The following CACNA1C variants were observed in gnomAD, a reference collection of about 807,000 sequenced individuals.
CACNA1C encodes the protein calcium voltage-gated channel subunit alpha1 C.
CACNA1C carries 30 observed loss-of-function variants against 229.0 expected under a neutral mutation model. The observed-to-expected ratio is 0.13, with a 90% CI of 0.10 to 0.18. The LOEUF (loss-of-function observed/expected upper bound fraction) is 0.18, where lower values mean the gene tolerates loss of function less well. CACNA1C is among the 10% of genes least tolerant of loss of function. The probability of loss-of-function intolerance (pLI) is 1.00; values close to 1 mark genes in which losing one functional copy is unlikely to be tolerated. For missense variants in CACNA1C, 1,658 were observed against 2,845.0 expected, an observed-to-expected ratio of 0.58 and a Z score of 9.49; for synonymous variants, 1,114 against 1,132.5, an observed-to-expected ratio of 0.98 and a Z score of 0.33.
rs902877485 is a variant in CACNA1C at position 2,595,316 on chromosome 12, G to A, written c.2664-558G>A. ...CCTTCCTACATTGCTGTCAAGATGA[G>A]ATGGTGTACAAGACACTTTGGCATT... On this transcript the variant is annotated intron_variant, in intron 19 of 46. Transcript: ENST00000399655. This position sits in a 1 kb window ranked among gnomAD's most constrained non-coding sequence, Gnocchi z 4.1. Among the ~76,000 whole-genome samples the A allele has an allele frequency of 6.6e-6, 1 of 152,184 alleles. No homozygotes were observed. Among genetic ancestry groups the A allele is most frequent in the East Asian group, 1.9e-4 (1 of 5,196 alleles).
intron 3 of CACNA1C, among the ~76,000 whole-genome samples, chr12:2,169,239 C>T (rs2096375181): frequency 6.6e-6 from 1 of 152,158 alleles, no homozygotes; most frequent in Non-Finnish European, 1.5e-5. Context: ...GAACTGTAAA[C>T]CAAGGCTTTC....
At chr12:2,524,357 A>T (rs924535037) in intron 9 of CACNA1C, among the ~76,000 whole-genome samples, 1 of 152,224 alleles carries the variant, frequency 6.6e-6, no homozygotes, top group African/African-American at 2.4e-5. Flanking sequence ...CAGATGCACC[A>T]ACAGACAGGT....
intron 3 of CACNA1C, among the ~76,000 whole-genome samples, chr12:2,344,905 A>T (rs901301735): frequency 2.0e-5 from 3 of 151,862 alleles, no homozygotes; most frequent in African/African-American, 7.3e-5. Flanking sequence ...TCTTTAAGAA[A>T]TATTTACTTT....
At chr12:2,474,072 G>A (rs1444539327) in intron 5 of CACNA1C, among the ~76,000 whole-genome samples, 1 of 152,010 alleles carries the variant, frequency 6.6e-6, no homozygotes, top group Non-Finnish European at 1.5e-5. Context: ...GTATAATTAA[G>A]ACTAGTTTAG....
intron 19 of CACNA1C, among the ~76,000 whole-genome samples, chr12:2,594,417 C>T (rs2067051527): frequency 6.6e-6 from 1 of 152,178 alleles, no homozygotes; most frequent in African/African-American, 2.4e-5. Flanking sequence ...TGGGAAATTT[C>T]TTCAACTGTA....
intron 1 of CACNA1C, among the ~76,000 whole-genome samples, chr12:1,984,898 C>T (rs531840662): frequency 6.6e-6 from 1 of 150,634 alleles, no homozygotes; most frequent in African/African-American, 2.4e-5. Context: ...AGGTTAATAG[C>T]TCTTTTATTT....
chr12:2,319,941 A>G lies in CACNA1C; in HGVS notation c.478-129035A>G, dbSNP rs1446376146. Among the ~76,000 whole-genome samples, 1 of 152,132 alleles carries G rather than the reference A, an allele frequency of 6.6e-6. No individual in the cohort carries two copies. Among genetic ancestry groups the G allele is most frequent in the Admixed American group, 6.5e-5 (1 of 15,292 alleles). On this transcript the variant is annotated intron_variant, in intron 3 of 46. Transcript: ENST00000399655. The surrounding 1 kb of genome is among the most constrained non-coding windows in gnomAD (Gnocchi z 4.0). ...CAGAGCTGAGGAAGCCCCATGAGCT[A>G]TTCTGGTCCTGACACCGGCTCCCAC...
intron 3 of CACNA1C, among the ~76,000 whole-genome samples, chr12:2,284,112 C>A (rs1391188510): frequency 6.6e-6 from 1 of 152,166 alleles, no homozygotes; most frequent in African/African-American, 2.4e-5. Context: ...CCGCCATCCC[C>A]CTAGCTCGTC....
At chr12:2,648,400 C>T in intron 30 of CACNA1C, 75 bp from the exon 31 acceptor site, 1 of 1,383,854 alleles carries the variant, frequency 7.2e-7, no homozygotes, top group Non-Finnish European at 1.0e-6. Flanking sequence ...GCTCCCGTGT[C>T]AGCCAAGACC....
At chr12:2,634,459 T>C (rs1360451781) in intron 30 of CACNA1C, 79 bp downstream of exon 30, 2 of 586,042 alleles carry the variant, frequency 3.4e-6, no homozygotes, top group East Asian at 6.7e-5. Flanking sequence ...GTTTCCTTCA[T>C]TTTATTTTCT....
chr12:2,053,107 C>T lies in CACNA1C; in HGVS notation c.-456C>T. On this transcript the variant is annotated 5_prime_UTR_variant, in exon 1 of 47. Transcript: ENST00000399655. The surrounding 1 kb of genome is among the most constrained non-coding windows in gnomAD (Gnocchi z 5.8). ...CTCCGCGCCCAGGAGTTGCCGGCTCCCTTTGACAGCAGAGAGCCGGGCAGG... is the reference window on the plus strand; with the variant it reads ...CTCCGCGCCCAGGAGTTGCCGGCTCTCTTTGACAGCAGAGAGCCGGGCAGG... The T allele has an allele frequency of 1.0e-6, 1 of 984,792 alleles. No homozygotes were observed. Among genetic ancestry groups the T allele is most frequent in the Non-Finnish European group, 1.2e-6 (1 of 829,622 alleles). The allele number at this position is 984,792 out of a possible 1,614,324, so 61.0% of individuals were successfully genotyped here.
At position 2,666,606 on chromosome 12, in the gene CACNA1C, C is replaced by T. The variant is rs1001612836; in HGVS notation, c.4527-80C>T. On this transcript the variant is annotated intron_variant, in intron 36 of 46. Transcript: ENST00000399655. This position sits in a 1 kb window ranked among gnomAD's most constrained non-coding sequence, Gnocchi z 5.3. ...GTTGCCCATATGAGTGGGCCCTACC[C>T]CTCAGGCGCATGCGTCCTGGGCTGC... The T allele has an allele frequency of 1.2e-6, 1 of 828,810 alleles. No individual in the cohort carries two copies. The highest frequency in any genetic ancestry group is 2.0e-6 in the Non-Finnish European group (1 of 498,050). 51.3% of individuals were successfully genotyped at this position (828,810 alleles called of 1,614,324 possible). A position where few individuals can be genotyped will look rare whatever the true frequency, so the allele number is the denominator to read the frequency against.
intron 1 of CACNA1C, among the ~76,000 whole-genome samples, chr12:2,041,558 G>T (rs1416452157): frequency 6.6e-6 from 1 of 152,144 alleles, no homozygotes; most frequent in African/African-American, 2.4e-5. Context: ...TTACAGGCAT[G>T]AGCCACTGCG....
At chr12:2,107,854 C>T (rs988843241) in intron 1 of CACNA1C, among the ~76,000 whole-genome samples, 1 of 152,220 alleles carries the variant, frequency 6.6e-6, no homozygotes, top group Non-Finnish European at 1.5e-5. Context: ...TTATCTTCCC[C>T]ACTTCTCACA....
At chr12:2,315,393 C>G (rs896008302) in intron 3 of CACNA1C, among the ~76,000 whole-genome samples, 4 of 152,202 alleles carry the variant, frequency 2.6e-5, no homozygotes, top group African/African-American at 9.7e-5. Flanking sequence ...GAACCAGCCT[C>G]CATCAGCTAG....
chr12:2,554,447 C>T (rs1432354328), intron 10 of CACNA1C, among the ~76,000 whole-genome samples: 1 of 152,190 alleles, frequency 6.6e-6, no homozygotes, highest in African/African-American at 2.4e-5. Flanking sequence ...GTGGAGACAA[C>T]CAGGAAGCCT....
intron 3 of CACNA1C, among the ~76,000 whole-genome samples, chr12:2,377,020 T>C (rs2098091108): frequency 1.3e-5 from 2 of 152,146 alleles, no homozygotes; most frequent in African/African-American, 4.8e-5. Flanking sequence ...CGCCATCCTC[T>C]GCGGGGGTGG....
intron 3 of CACNA1C, among the ~76,000 whole-genome samples, chr12:2,252,801 A>G (rs1201144147): frequency 6.7e-6 from 1 of 150,228 alleles, no homozygotes; most frequent in Non-Finnish European, 1.5e-5. Context: ...ACTTCCCAAG[A>G]CTTTCTTGGG....
At chr12:2,223,411 GA>G (rs529586696) in intron 3 of CACNA1C, 2 of 152,320 alleles carry the variant, frequency 1.3e-5, no homozygotes, top group African/African-American at 4.8e-5. Context: ...TGCCTGGTTG[GA>G]AAGAATGCTG....
Sources: gnomAD v4.1 joint callset for allele counts (sites outside exome capture counted in the v4.1 genomes callset) on GRCh38, gnomAD v4.1.1 for gene constraint, Gnocchi (gnomAD v3.1) non-coding constraint, MANE v1.5 for transcripts, NCBI Gene and HGNC (gene_info 2026-07-23, HGNC 2026-07-21) for gene names.